Variants in MYH11 observed in about 807,000 individuals in gnomAD.
The protein encoded by MYH11 is myosin-11.
A neutral mutation model predicts 246.6 loss-of-function variants in MYH11; 80 were observed. The ratio of observed to expected loss-of-function variants is 0.32; its 90% confidence interval spans 0.27 to 0.39. The LOEUF (loss-of-function observed/expected upper bound fraction) is 0.39, where lower values mean the gene tolerates loss of function less well. MYH11 is among the 10% of genes least tolerant of loss of function. MYH11 has a pLI of 1.00. For synonymous variants in MYH11, 1,071 were observed against 1,015.5 expected (o/e 1.05, Z -1.04); for missense variants, 2,158 against 2,546.8 (o/e 0.85, Z 3.29).
intron 27 of MYH11, 44 bp from the exon 28 acceptor site, chr16:15,727,098 C>T: frequency 3.8e-6 from 6 of 1,593,792 alleles, no homozygotes; most frequent in Non-Finnish European, 3.4e-6. Flanking sequence ...GAGGCTGTGG[C>T]CGGGAGAACG....
chr16:15,745,918 T>C (rs2041406843), intron 19 of MYH11, among the ~76,000 whole-genome samples: 1 of 150,668 alleles, frequency 6.6e-6, no homozygotes, highest in South Asian at 2.1e-4. Context: ...ACTTATTTAT[T>C]TATTTGTTTA....
chr16:15,825,731 A>G (rs1314188166), intron 2 of MYH11, among the ~76,000 whole-genome samples: 1 of 152,130 alleles, frequency 6.6e-6, no homozygotes, highest in Non-Finnish European at 1.5e-5. Context: ...CGGAGGAGTC[A>G]AGGCACAAGG....
At chr16:15,821,069 G>A (rs966302599) in intron 3 of MYH11, among the ~76,000 whole-genome samples, 5 of 152,038 alleles carry the variant, frequency 3.3e-5, no homozygotes, top group Non-Finnish European at 7.4e-5. Flanking sequence ...ACAGGGTTTC[G>A]CCATATTGCC....
At chr16:15,800,638 T>C (rs1386413723) in intron 3 of MYH11, among the ~76,000 whole-genome samples, 1 of 150,840 alleles carries the variant, frequency 6.6e-6, no homozygotes, top group Non-Finnish European at 1.5e-5. Context: ...GATGGATGGA[T>C]GGATGGGAAT....
At chr16:15,824,458 T>C (rs1227564319) in intron 2 of MYH11, among the ~76,000 whole-genome samples, 2 of 152,152 alleles carry the variant, frequency 1.3e-5, no homozygotes, top group Non-Finnish European at 2.9e-5. Context: ...TTATTTTGTT[T>C]TTTGTAGAGA....
intron 2 of MYH11, among the ~76,000 whole-genome samples, chr16:15,828,807 G>GGAAA (rs1682670054): frequency 6.9e-6 from 1 of 144,216 alleles, no homozygotes; most frequent in African/African-American, 2.7e-5. Context: ...AAAAAAAGAA[G>GGAAA]GAAGGAAGGA....
chr16:15,781,023 C>T (rs1054419769), intron 6 of MYH11, among the ~76,000 whole-genome samples: 23 of 152,138 alleles, frequency 1.5e-4, no homozygotes, highest in African/African-American at 5.3e-4. Context: ...CTTACTGTGT[C>T]TTCTGTTGGT....
intron 3 of MYH11, among the ~76,000 whole-genome samples, chr16:15,807,769 C>G (rs535326990): frequency 1.4e-4 from 21 of 152,152 alleles, no homozygotes; most frequent in African/African-American, 5.1e-4. Context: ...CACCCAGCCT[C>G]GGATGTGTAA....
At chr16:15,854,379 G>T (rs1325919611) in intron 1 of MYH11, among the ~76,000 whole-genome samples, 1 of 152,166 alleles carries the variant, frequency 6.6e-6, no homozygotes, top group African/African-American at 2.4e-5. Context: ...TCCCATGAGG[G>T]TAATCTGTGA....
At position 15,838,206 on chromosome 16, in the gene MYH11, A is replaced by G. The variant is rs778352596; in HGVS notation, c.47T>C (p.Val16Ala). Residue 16 changes from valine (V) to alanine (A), a missense_variant, in exon 2 of 41, where the codon GTG (valine) becomes GCG (alanine). Val to Ala is a moderately conservative substitution (Grantham distance 64). Transcript: ENST00000300036. ...QLSDDEKFLF[V>A]DKNFINSPVA... ...TGGGCTGTTGATGAAGTTTTTGTCC[A>G]CAAAGAGGAACTTCTCATCGTCACT... The G allele has an allele frequency of 2.5e-6, 4 of 1,614,058 alleles. No homozygotes were observed. The South Asian group carries it at 3.3e-5, about 13-fold the overall frequency.
At chr16:15,707,072 T>G (rs1210936177) in intron 40 of MYH11, among the ~76,000 whole-genome samples, 2 of 152,142 alleles carry the variant, frequency 1.3e-5, no homozygotes, top group African/African-American at 2.4e-5. Context: ...AGAGTCTCGC[T>G]GTGTTGCCCA....
intron 25 of MYH11, among the ~76,000 whole-genome samples, chr16:15,736,100 G>A (rs777542831): frequency 2.6e-5 from 4 of 152,194 alleles, no homozygotes; most frequent in Non-Finnish European, 5.9e-5. Context: ...CTGTTAAATG[G>A]CAGAATGCTG....
intron 20 of MYH11, 112 bp from the exon 21 acceptor site, chr16:15,742,003 C>T: frequency 2.7e-6 from 4 of 1,477,536 alleles, no homozygotes; most frequent in Non-Finnish European, 3.7e-6. Flanking sequence ...CACCGATCCC[C>T]ACTAGGGGAT....
At chr16:15,711,542 C>T (rs771742567) in intron 40 of MYH11, among the ~76,000 whole-genome samples, 11 of 152,082 alleles carry the variant, frequency 7.2e-5, no homozygotes, top group Non-Finnish European at 1.3e-4. Context: ...CCGTTATATT[C>T]ATGTATGATT....
At chr16:15,774,346 G>A (rs2042172103) in intron 8 of MYH11, among the ~76,000 whole-genome samples, 1 of 152,154 alleles carries the variant, frequency 6.6e-6, no homozygotes, top group African/African-American at 2.4e-5. Context: ...GCCCATTTCT[G>A]GAAGACCAGA....
intron 40 of MYH11, among the ~76,000 whole-genome samples, chr16:15,705,842 G>A (rs1169481515): frequency 1.3e-5 from 2 of 151,998 alleles, no homozygotes; most frequent in South Asian, 2.1e-4. Flanking sequence ...TTAGCCGGGC[G>A]TGCTGGCGGG....
At chr16:15,788,794 ATATATGTGTGTGTGTGTGTG>A (rs2042540088) in intron 4 of MYH11, among the ~76,000 whole-genome samples, 1 of 107,722 alleles carries the variant, frequency 9.3e-6, no homozygotes, top group Non-Finnish European at 2.1e-5. Flanking sequence ...TAAGACCAGA[ATATATGTGTGTGTGTGTGTG>A]TGTGTGTGTG....
At chr16:15,704,258 C>A in intron 40 of MYH11, 135 bp from the exon 41 acceptor site, 1 of 948,652 alleles carries the variant, frequency 1.1e-6, no homozygotes, top group Non-Finnish European at 1.6e-6. Context: ...AAAACACACA[C>A]GGCACAAATA....
At chr16:15,807,496 G>A (rs961550093) in intron 3 of MYH11, among the ~76,000 whole-genome samples, 4 of 152,130 alleles carry the variant, frequency 2.6e-5, no homozygotes, top group African/African-American at 4.8e-5. Flanking sequence ...CCACTGAACA[G>A]CATTAAGAAA....
Sources: allele counts gnomAD v4.1 joint callset (sites outside exome capture counted in the v4.1 genomes callset), GRCh38; gene constraint gnomAD v4.1.1; transcripts MANE v1.5; gene names NCBI Gene and HGNC (gene_info 2026-07-23, HGNC 2026-07-21).